INVS: variants seen among roughly 807,000 people sequenced by gnomAD.
INVS encodes the protein inversion of embryo turning homolog.
Under a neutral mutation model 108.8 loss-of-function variants are expected in INVS, and 86 were observed. That is an observed-to-expected ratio of 0.79 (90% CI 0.66 to 0.95). The LOEUF is 0.95. Ranked by LOEUF, INVS falls within the 40% of genes least tolerant of loss-of-function variation. The pLI is 0.00. For missense variants in INVS, 1,169 were observed against 1,297.4 expected (o/e 0.90, Z 1.52); for synonymous variants, 455 against 473.5 (o/e 0.96, Z 0.51).
At chr9:100,246,335 G>T (rs1316842723) in intron 7 of INVS, among the ~76,000 whole-genome samples, 2 of 152,108 alleles carry the variant, frequency 1.3e-5, no homozygotes, top group South Asian at 2.1e-4. Flanking sequence ...TTCCAAGCTT[G>T]ATTGAAGATG....
At chr9:100,101,570 G>A (rs897530884) in intron 1 of INVS, 1 of 152,140 alleles carries the variant, frequency 6.6e-6, no homozygotes, top group Non-Finnish European at 1.5e-5. Context: ...AAATAAAGAC[G>A]TAAGGAGCTG....
intron 3 of INVS, among the ~76,000 whole-genome samples, chr9:100,129,477 G>A (rs1827990836): frequency 6.6e-6 from 1 of 151,716 alleles, no homozygotes; most frequent in Non-Finnish European, 1.5e-5. Context: ...TGGGGGACTG[G>A]AGTGAGACCC....
At chr9:100,225,928 C>A in intron 3 of INVS, 134 bp from the exon 4 acceptor site, 1 of 644,726 alleles carries the variant, frequency 1.6e-6, no homozygotes. Flanking sequence ...GAATTACAAG[C>A]ATTTTTCCTT....
chr9:100,284,684 TTAAGA>T, intron 13 of INVS, 81 bp downstream of exon 13: 1 of 1,428,646 alleles, frequency 7.0e-7, no homozygotes, highest in African/African-American at 1.4e-5. Context: ...CCAATTACAC[TTAAGA>T]TAATTGTTAT....
intron 3 of INVS, among the ~76,000 whole-genome samples, chr9:100,187,521 A>ATTTATTTTTTT (rs1830087780): frequency 1.1e-5 from 1 of 89,444 alleles, no homozygotes; most frequent in Admixed American, 9.8e-5. Flanking sequence ...ATCATCTATG[A>ATTTATTTTTTT]TTTCTTTTTT....
intron 2 of INVS, among the ~76,000 whole-genome samples, chr9:100,111,056 G>T (rs1179465942): frequency 6.6e-6 from 1 of 152,128 alleles, no homozygotes; most frequent in Non-Finnish European, 1.5e-5. Context: ...TTCCCATGTT[G>T]TCACTCTATA....
At chr9:100,177,487 C>T (rs1829755419) in intron 3 of INVS, among the ~76,000 whole-genome samples, 1 of 152,206 alleles carries the variant, frequency 6.6e-6, no homozygotes, top group Non-Finnish European at 1.5e-5. Flanking sequence ...GTTTTCCCCT[C>T]ACAGTGTAAA....
chr9:100,161,388 A>AAAAAAAAAAAAAAAAAAAC (rs1564138793), intron 3 of INVS, among the ~76,000 whole-genome samples: 2 of 139,098 alleles, frequency 1.4e-5, no homozygotes, highest in African/African-American at 5.9e-5. Context: ...AAAAAAAAAA[A>AAAAAAAAAAAAAAAAAAAC]AAAACCTCAT....
At chr9:100,130,985 T>G (rs1828039741) in intron 3 of INVS, 1 of 152,158 alleles carries the variant, frequency 6.6e-6, no homozygotes, top group South Asian at 2.1e-4. Context: ...TTCTCATACA[T>G]TATTTATTAT....
At chr9:100,273,863 C>A (rs1588138942) in intron 12 of INVS, among the ~76,000 whole-genome samples, 1 of 151,928 alleles carries the variant, frequency 6.6e-6, no homozygotes, top group East Asian at 1.9e-4. Flanking sequence ...CTTAACACAT[C>A]TGTACTAAAT....
chr9:100,252,646 G>A (rs955793050), intron 9 of INVS, among the ~76,000 whole-genome samples: 56 of 152,130 alleles, frequency 3.7e-4, no homozygotes, highest in Admixed American at 3.3e-4. Flanking sequence ...AATTTCACCT[G>A]CCTGATCTTC....
intron 13 of INVS, among the ~76,000 whole-genome samples, chr9:100,290,399 G>T (rs531695738): frequency 6.6e-6 from 1 of 152,236 alleles, no homozygotes; most frequent in African/African-American, 2.4e-5. Context: ...GCCTAGGCTG[G>T]AGTGCAGTGG....
At chr9:100,270,748 C>CAA (rs746291227) in intron 11 of INVS, among the ~76,000 whole-genome samples, 9,435 of 46,672 alleles carry the variant, frequency 0.2, 782 homozygotes, top group African/African-American at 0.27. Context: ...AACTCCATCT[C>CAA]AAAAAAAAAA....
intron 3 of INVS, among the ~76,000 whole-genome samples, chr9:100,155,136 G>A (rs943334023): frequency 2.6e-5 from 4 of 151,462 alleles, no homozygotes; most frequent in South Asian, 2.1e-4. Context: ...GCTTGAACCC[G>A]GGAGGCAGAG....
chr9:100,206,836 G>A (rs1830690084), intron 3 of INVS, among the ~76,000 whole-genome samples: 1 of 151,998 alleles, frequency 6.6e-6, no homozygotes, highest in South Asian at 2.1e-4. Flanking sequence ...GTGTATGTAT[G>A]TGTGTACTTC....
intron 10 of INVS, among the ~76,000 whole-genome samples, chr9:100,257,104 G>T (rs552777309): frequency 6.6e-6 from 1 of 152,248 alleles, no homozygotes; most frequent in South Asian, 2.1e-4. Flanking sequence ...TGTATTGGGT[G>T]CATATATATT....
At chr9:100,287,459 TCA>T (rs1833482460) in intron 13 of INVS, among the ~76,000 whole-genome samples, 1 of 152,204 alleles carries the variant, frequency 6.6e-6, no homozygotes, top group African/African-American at 2.4e-5. Flanking sequence ...TCCTATTTGG[TCA>T]CAGATTATTC....
At chr9:100,117,466 C>T (rs1192308705) in intron 2 of INVS, 9 of 783,684 alleles carry the variant, frequency 1.1e-5, no homozygotes, top group African/African-American at 5.0e-5. Context: ...ACTCCTTATC[C>T]TCGGCCTTGC....
intron 5 of INVS, among the ~76,000 whole-genome samples, chr9:100,231,850 A>G (rs951075844): frequency 6.6e-6 from 1 of 152,104 alleles, no homozygotes; most frequent in African/African-American, 2.4e-5. Context: ...ATGATTTATA[A>G]TCCTCTGGAT....
Sources: gnomAD v4.1 joint callset for allele counts (sites outside exome capture counted in the v4.1 genomes callset) on GRCh38, gnomAD v4.1.1 for gene constraint, MANE v1.5 for transcripts, NCBI Gene and HGNC (gene_info 2026-07-23, HGNC 2026-07-21) for gene names.